The following COL6A5 variants were observed in gnomAD, a reference collection of about 807,000 sequenced individuals.
COL6A5 encodes collagen type VI alpha 5 chain, also known as collagen alpha-5(VI) chain.
Under a neutral mutation model 65.6 loss-of-function variants are expected in COL6A5, and 48 were observed. The observed-to-expected ratio is 0.73, with a 90% CI of 0.58 to 0.93. The LOEUF is 0.93. Ranked by LOEUF, COL6A5 falls within the 40% of genes least tolerant of loss-of-function variation. COL6A5 has a pLI of 0.00. For synonymous variants in COL6A5, 291 were observed against 322.8 expected, an observed-to-expected ratio of 0.90 and a Z score of 1.05; for missense variants, 914 against 928.3, an observed-to-expected ratio of 0.98 and a Z score of 0.20.
intron 1 of COL6A5, among the ~76,000 whole-genome samples, chr3:130,353,549 C>T (rs921127723): frequency 7.2e-5 from 11 of 151,840 alleles, no homozygotes; most frequent in South Asian, 2.1e-4. Context: ...AAATTAGAAG[C>T]AGCTAGATAT....
chr3:130,387,433 TTA>T (rs1936230889), intron 5 of COL6A5, among the ~76,000 whole-genome samples: 1 of 152,078 alleles, frequency 6.6e-6, no homozygotes, highest in Non-Finnish European at 1.5e-5. Context: ...CCTATTTCTT[TTA>T]TATGTGTTAC....
intron 11 of COL6A5, 41 bp from the exon 12 acceptor site, chr3:130,401,721 T>G (rs377579113): frequency 7.1e-7 from 1 of 1,409,878 alleles, no homozygotes; most frequent in African/African-American, 1.4e-5. Flanking sequence ...ATAAAGTTTC[T>G]GACAATTGCT....
At chr3:130,442,625 G>T (rs1001093351) in intron 3 of COL6A5, among the ~76,000 whole-genome samples, 1 of 152,134 alleles carries the variant, frequency 6.6e-6, no homozygotes, top group Non-Finnish European at 1.5e-5. Context: ...TTTTCAAACT[G>T]CTCTCCCCAA....
chr3:130,474,344 A>T (rs1313955558), intron 7 of COL6A5, among the ~76,000 whole-genome samples: 2 of 152,138 alleles, frequency 1.3e-5, no homozygotes, highest in Non-Finnish European at 2.9e-5. Context: ...AATATTCTAC[A>T]GAGAATCATA....
intron 2 of COL6A5, 94 bp from the exon 3 acceptor site, chr3:130,376,143 T>G: frequency 7.7e-7 from 1 of 1,303,832 alleles, no homozygotes; most frequent in African/African-American, 1.5e-5. Flanking sequence ...TGATATACAC[T>G]TAACACCAGC....
rs115250607 is a variant in COL6A5 at position 130,376,755 on chromosome 3, A to G, written c.586A>G (p.Ser196Gly). ...CAACCTTCGGACAATCAGAGACCTCAGCACATTTTCCCAAAACATGACACA... is the reference window on the plus strand; with the variant it reads ...CAACCTTCGGACAATCAGAGACCTCGGCACATTTTCCCAAAACATGACACA... Residue 196 changes from serine to glycine, a missense_variant and NMD_transcript_variant, in exon 3 of 42, where the codon AGC (serine) becomes GGC (glycine). Ser to Gly is a moderately conservative substitution (Grantham distance 56, BLOSUM62 0). Transcript: ENST00000312481. 2.7e-3 allele frequency: 4,327 copies of G among 1,613,672 alleles called. 80 individuals are homozygous for G. In the African/African-American group the frequency reaches 0.05, roughly 19 times the overall value.
intron 7 of COL6A5, among the ~76,000 whole-genome samples, chr3:130,482,888 T>C (rs977905406): frequency 2.0e-5 from 3 of 152,182 alleles, no homozygotes; most frequent in African/African-American, 7.2e-5. Flanking sequence ...TTTTTGCACA[T>C]TGATTTTGTA....
At chr3:130,421,626 T>A (rs940780979) in intron 27 of COL6A5, among the ~76,000 whole-genome samples, 4 of 152,146 alleles carry the variant, frequency 2.6e-5, no homozygotes, top group African/African-American at 9.6e-5. Context: ...TGTTCTCTTC[T>A]TGATTTTCTG....
chr3:130,484,741 A>G, exon 8 of COL6A5: 1 of 398,998 alleles, frequency 2.5e-6, no homozygotes, highest in Non-Finnish European at 4.4e-6. Flanking sequence ...TTTTGCAGCA[A>G]AAGAATTACG....
chr3:130,453,756 C>T (rs1709503535), intron 4 of COL6A5, among the ~76,000 whole-genome samples: 1 of 152,112 alleles, frequency 6.6e-6, no homozygotes, highest in South Asian at 2.1e-4. Context: ...CCCATAATCA[C>T]CCCATCTTCT....
At chr3:130,388,983 T>C (rs1205657546) in exon 6 of COL6A5, 5 of 1,548,762 alleles carry the variant, frequency 3.2e-6, no homozygotes, top group African/African-American at 1.4e-5. Flanking sequence ...GGGGCAAAGA[T>C]GTGACCATCT....
intron 1 of COL6A5, among the ~76,000 whole-genome samples, chr3:130,361,247 C>G (rs1388995697): frequency 6.6e-6 from 1 of 152,088 alleles, no homozygotes; most frequent in African/African-American, 2.4e-5. Flanking sequence ...GTTCATCCCT[C>G]CATACCTCCT....
intron 8 of COL6A5, among the ~76,000 whole-genome samples, chr3:130,396,614 T>G (rs1443646938): frequency 6.6e-6 from 1 of 152,234 alleles, no homozygotes; most frequent in African/African-American, 2.4e-5. Flanking sequence ...ATTAAAAATG[T>G]TGACATCAGG....
chr3:130,435,752 A>G (rs897649434), intron 1 of COL6A5, among the ~76,000 whole-genome samples: 1 of 152,060 alleles, frequency 6.6e-6, no homozygotes, highest in East Asian at 1.9e-4. Context: ...TTGTTGGTGT[A>G]AAGGGATTCT....
exon 3 of COL6A5, chr3:130,376,322 G>A (rs752494265): frequency 1.4e-5 from 22 of 1,613,540 alleles, no homozygotes; most frequent in Middle Eastern, 1.6e-4. Flanking sequence ...TCGTGAAAAC[G>A]TTCATCAACA....
intron 6 of COL6A5, among the ~76,000 whole-genome samples, chr3:130,390,912 G>C (rs562766578): frequency 2.0e-5 from 3 of 152,184 alleles, no homozygotes; most frequent in Non-Finnish European, 4.4e-5. Flanking sequence ...TATCAAAATA[G>C]AGTGGTGTGG....
chr3:130,468,013 C>A (rs942381231), intron 5 of COL6A5, among the ~76,000 whole-genome samples: 1 of 151,946 alleles, frequency 6.6e-6, no homozygotes, highest in African/African-American at 2.4e-5. Context: ...AGGCTTAGAG[C>A]AGAGCTACTT....
intron 5 of COL6A5, among the ~76,000 whole-genome samples, chr3:130,465,508 A>G (rs1709794053): frequency 6.6e-6 from 1 of 152,096 alleles, no homozygotes; most frequent in Non-Finnish European, 1.5e-5. Flanking sequence ...GTCTTGGCTC[A>G]GTAATAGGAA....
intron 20 of COL6A5, among the ~76,000 whole-genome samples, chr3:130,411,258 A>G (rs889663024): frequency 1.2e-4 from 18 of 152,188 alleles, no homozygotes; most frequent in Non-Finnish European, 2.9e-5. Flanking sequence ...GATATTTATA[A>G]TGTATTAAAA....
Sources: gnomAD v4.1 joint callset for allele counts (sites outside exome capture counted in the v4.1 genomes callset) on GRCh38, gnomAD v4.1.1 for gene constraint, MANE v1.5 for transcripts, NCBI Gene and HGNC (gene_info 2026-07-23, HGNC 2026-07-21) for gene names.